Variants in CNTN3 observed in about 807,000 individuals in gnomAD.
The protein encoded by CNTN3 is contactin 3, also known as contactin-3.
Under a neutral mutation model 119.1 loss-of-function variants are expected in CNTN3, and 60 were observed. The observed-to-expected ratio is 0.50, with a 90% CI of 0.41 to 0.62. The LOEUF (loss-of-function observed/expected upper bound fraction) is 0.62. CNTN3 is among the 20% of genes least tolerant of loss of function. The pLI is 0.00. For synonymous variants in CNTN3, 450 were observed against 438.7 expected, an observed-to-expected ratio of 1.03 and a Z score of -0.32; for missense variants, 1,101 against 1,242.4, an observed-to-expected ratio of 0.89 and a Z score of 1.71.
chr3:74,348,599 G>A (rs1008412991), intron 11 of CNTN3, among the ~76,000 whole-genome samples: 1 of 152,154 alleles, frequency 6.6e-6, no homozygotes, highest in South Asian at 2.1e-4. Flanking sequence ...CATAAGCAGA[G>A]GCCTTGGGCT....
intron 5 of CNTN3, among the ~76,000 whole-genome samples, chr3:74,414,873 T>C (rs1701494174): frequency 1.6e-5 from 2 of 126,416 alleles, no homozygotes; most frequent in Non-Finnish European, 3.4e-5. Context: ...GTGTTTCCTA[T>C]AGTCTTTTTT....
chr3:74,383,456 T>C (rs888815414), intron 5 of CNTN3, among the ~76,000 whole-genome samples: 1 of 152,076 alleles, frequency 6.6e-6, no homozygotes, highest in Non-Finnish European at 1.5e-5. Context: ...TAATACTATA[T>C]TTCAGGGCTA....
intron 2 of CNTN3, among the ~76,000 whole-genome samples, chr3:74,503,685 G>C (rs561214072): frequency 7.9e-5 from 12 of 152,192 alleles, no homozygotes; most frequent in East Asian, 3.9e-4. Flanking sequence ...CCAGTAAAAA[G>C]CACCCTGTCT....
At chr3:74,584,381 G>C (rs1704561198) in intron 1 of CNTN3, among the ~76,000 whole-genome samples, 1 of 152,126 alleles carries the variant, frequency 6.6e-6, no homozygotes, top group Admixed American at 6.5e-5. Flanking sequence ...CCCCAATGTA[G>C]GAGGTGGGAC....
chr3:74,319,900 A>C (rs1313881637), intron 13 of CNTN3, among the ~76,000 whole-genome samples: 5 of 152,178 alleles, frequency 3.3e-5, no homozygotes, highest in African/African-American at 1.2e-4. Flanking sequence ...TTATGCAGCC[A>C]AAAAACACAT....
chr3:74,387,668 C>A (rs1254279632), intron 5 of CNTN3, among the ~76,000 whole-genome samples: 1 of 152,122 alleles, frequency 6.6e-6, no homozygotes, highest in African/African-American at 2.4e-5. Flanking sequence ...ATAATTATTC[C>A]TAAGTGTCAC....
chr3:74,455,729 C>T (rs1041185962), intron 4 of CNTN3, among the ~76,000 whole-genome samples: 1 of 151,982 alleles, frequency 6.6e-6, no homozygotes, highest in Non-Finnish European at 1.5e-5. Flanking sequence ...AGACAGGACT[C>T]TCAGCTGCAG....
At chr3:74,364,967 T>A (rs930747793) in intron 9 of CNTN3, among the ~76,000 whole-genome samples, 2 of 152,168 alleles carry the variant, frequency 1.3e-5, no homozygotes, top group African/African-American at 4.8e-5. Context: ...ATGTTTTCAC[T>A]ATGTCTTTTC....
chr3:74,313,227 A>G (rs143281874), intron 13 of CNTN3, among the ~76,000 whole-genome samples: 94 of 152,276 alleles, frequency 6.2e-4, no homozygotes, highest in Non-Finnish European at 8.7e-4. Context: ...TATCAGAAAG[A>G]GAAGAAAGGG....
chr3:74,445,489 C>G (rs1486726143), intron 4 of CNTN3, among the ~76,000 whole-genome samples: 1 of 152,096 alleles, frequency 6.6e-6, no homozygotes, highest in Non-Finnish European at 1.5e-5. Context: ...ATCTTGAACT[C>G]CTGACCTCAA....
intron 11 of CNTN3, among the ~76,000 whole-genome samples, chr3:74,354,318 C>A (rs1456369724): frequency 6.6e-6 from 1 of 151,972 alleles, no homozygotes; most frequent in East Asian, 1.9e-4. Flanking sequence ...CTATTATAAG[C>A]AATAGCATTC....
chr3:74,389,873 AGATCC>A (rs2106826390), intron 5 of CNTN3, among the ~76,000 whole-genome samples: 1 of 152,346 alleles, frequency 6.6e-6, no homozygotes, highest in African/African-American at 2.4e-5. Flanking sequence ...ACTACAATTT[AGATCC>A]CAAACCTAAT....
rs55925924 is a variant in CNTN3, at chr3:74,339,892, C to CAGAT, written c.1365-3238_1365-3235dup. 7.1e-3 allele frequency among the ~76,000 whole-genome samples: 1,057 copies of CAGAT among 149,860 alleles called. 7 individuals are homozygous for CAGAT. The highest frequency in any genetic ancestry group is 8.9e-3 in the Non-Finnish European group (597 of 67,446). ...CATATATGTGTGAACTAATTGGATACAGATAGATAGATAGATAGATAGATA... is the reference window on the plus strand; with the variant it reads ...CATATATGTGTGAACTAATTGGATACAGATAGATAGATAGATAGATAGATAGATA... On this transcript the variant is annotated intron_variant, in intron 11 of 22. Transcript: ENST00000263665.
chr3:74,308,370 C>A (rs1437727229), intron 13 of CNTN3, among the ~76,000 whole-genome samples: 1 of 152,180 alleles, frequency 6.6e-6, no homozygotes, highest in Non-Finnish European at 1.5e-5. Context: ...AGGTAAGATG[C>A]AATCAGTTAA....
At position 74,570,065 on chromosome 3, in the gene CNTN3, C is replaced by T. The variant is rs570429907; in HGVS notation, c.-81+44326G>A. On this transcript the variant is annotated intron_variant, in intron 1 of 22. Coordinates refer to ENST00000263665, the MANE Select transcript of CNTN3 (RefSeq NM_020872.3). ...GCTTCTGCAAGCAGCCTGAGAAAAA[C>T]CTCTGCTTTAGAGGGTTCGTCCAAC... 2.0e-5 allele frequency among the ~76,000 whole-genome samples: 3 copies of T among 152,134 alleles called. No individual in the cohort carries two copies. In the East Asian group the frequency reaches 5.8e-4, roughly 29 times the overall value.
intron 4 of CNTN3, among the ~76,000 whole-genome samples, chr3:74,474,200 T>C (rs1380096185): frequency 1.3e-5 from 2 of 152,048 alleles, no homozygotes; most frequent in African/African-American, 2.4e-5. Flanking sequence ...TGAAGATAAA[T>C]GCAATCAGAT....
At chr3:74,447,557 C>T (rs1438787856) in intron 4 of CNTN3, among the ~76,000 whole-genome samples, 2 of 151,796 alleles carry the variant, frequency 1.3e-5, no homozygotes, top group African/African-American at 4.8e-5. Context: ...AGAGCAATTG[C>T]ATGGAAAATA....
intron 11 of CNTN3, among the ~76,000 whole-genome samples, chr3:74,355,997 T>C (rs1244557063): frequency 6.6e-6 from 1 of 152,010 alleles, no homozygotes; most frequent in African/African-American, 2.4e-5. Context: ...TCTGAATATG[T>C]CCCTCCAAAA....
At chr3:74,511,520 A>C (rs1703362775) in intron 2 of CNTN3, among the ~76,000 whole-genome samples, 1 of 151,996 alleles carries the variant, frequency 6.6e-6, no homozygotes, top group Non-Finnish European at 1.5e-5. Context: ...TAAATAAATA[A>C]ATTAGCCTGG....
Sources: gnomAD v4.1 joint callset for allele counts (sites outside exome capture counted in the v4.1 genomes callset) on GRCh38, gnomAD v4.1.1 for gene constraint, MANE v1.5 for transcripts, NCBI Gene and HGNC (gene_info 2026-07-23, HGNC 2026-07-21) for gene names.